The following FER1L5 variants were observed in gnomAD, a reference collection of about 807,000 sequenced individuals.
FER1L5 encodes the protein fer-1 like family member 5, also known as fer-1-like protein 5.
FER1L5 carries 187 observed loss-of-function variants against 279.9 expected under a neutral mutation model. The ratio of observed to expected loss-of-function variants is 0.67; its 90% confidence interval spans 0.59 to 0.75. The LOEUF is 0.75. FER1L5 is among the 30% of genes least tolerant of loss of function. The pLI, the probability that FER1L5 is intolerant of heterozygous loss-of-function variation, is 0.00. For missense variants in FER1L5, 2,091 were observed against 2,594.4 expected, an observed-to-expected ratio of 0.81 and a Z score of 4.21; for synonymous variants, 921 against 989.7, an observed-to-expected ratio of 0.93 and a Z score of 1.30.
At position 96,666,707 on chromosome 2, in the gene FER1L5, G is replaced by A. The variant is rs192916112; in HGVS notation, c.1141-2044G>A. Among the ~76,000 whole-genome samples, 6 of 151,760 alleles carry A rather than the reference G, an allele frequency of 4.0e-5. No homozygotes were observed. The East Asian group carries it at 1.2e-3, about 29-fold the overall frequency. On this transcript the variant is annotated intron_variant, in intron 14 of 52. Coordinates refer to ENST00000624922, the MANE Select transcript of FER1L5 (RefSeq NM_001293083.2). ...GCTCTGTTGCCCAGGCTAGACTGCAGTGACGCAATCTCAGCTCACTGCAAC... is the reference window on the plus strand; with the variant it reads ...GCTCTGTTGCCCAGGCTAGACTGCAATGACGCAATCTCAGCTCACTGCAAC...
chr2:96,689,377 G>T lies in FER1L5; in HGVS notation c.2525+1G>T, dbSNP rs555193102. 1.3e-6 allele frequency: 2 copies of T among 1,549,438 alleles called. No homozygotes were observed. The highest frequency in any genetic ancestry group is 1.2e-5 in the South Asian group (1 of 83,832). On this transcript the variant is annotated splice_donor_variant, in intron 25 of 52. Coordinates refer to ENST00000624922, the MANE Select transcript of FER1L5 (RefSeq NM_001293083.2). LOFTEE classifies it high-confidence loss of function. This position sits in a 1 kb window ranked among gnomAD's most constrained non-coding sequence, Gnocchi z 4.6. Reference sequence around the variant, plus strand: ...GCTGGACAGTGGAACCTCAGAGAAGGTAAGGCCAGAGGGGGCAGGCCCCAC... The same window carrying T: ...GCTGGACAGTGGAACCTCAGAGAAGTTAAGGCCAGAGGGGGCAGGCCCCAC...
intron 14 of FER1L5, among the ~76,000 whole-genome samples, chr2:96,664,386 C>A (rs1239002485): frequency 1.3e-5 from 2 of 152,148 alleles, no homozygotes; most frequent in African/African-American, 4.8e-5. Flanking sequence ...AATCTGCTTT[C>A]TGTTACTACG....
Position 96,693,937 on chromosome 2 carries a change from CG to C in FER1L5, c.3502del (p.Val1168CysfsTer18). ...GCAAGGAGAGCTTGTGGGGACGGAG[CG>C]TGTGGCCCCCAATGGTCTGGCTGGA... ...WGKESLWGRS[V>X]WPPMVWLDLQ... is the part of the protein sequence containing the mutation. On this transcript the variant is annotated frameshift_variant, in exon 33 of 53. Transcript: ENST00000624922. LOFTEE classifies it high-confidence loss of function. 6.4e-7 allele frequency: 1 copy of C among 1,550,916 alleles called. No homozygotes were observed. Among genetic ancestry groups the C allele is most frequent in the Non-Finnish European group, 8.7e-7 (1 of 1,146,698 alleles).
chr2:96,672,936 G>A, intron 18 of FER1L5, 141 bp from the exon 19 acceptor site: 1 of 1,044,508 alleles, frequency 9.6e-7, no homozygotes, highest in Non-Finnish European at 1.4e-6. Flanking sequence ...CAGGGTGCGA[G>A]GGAGCCTCTG....
Position 96,702,020 on chromosome 2 carries a change from C to T in FER1L5, c.5136C>T (p.Asn1712=). ...KKLGPPGPQV[N]INPRKPKRYE... is the part of the protein sequence containing the mutation. ...TGGGGCCTCCTGGCCCCCAAGTCAA[C>T]ATCAACCCCAGAAAGCCTAAACGGT... The change falls in exon 46 of 53, where the codon AAC becomes AAT. Residue 1712 remains asparagine (N), a synonymous_variant. Coordinates refer to ENST00000624922, the MANE Select transcript of FER1L5 (RefSeq NM_001293083.2). The surrounding 1 kb of genome is among the most constrained non-coding windows in gnomAD (Gnocchi z 4.0). 1.3e-5 allele frequency: 21 copies of T among 1,614,044 alleles called. No individual in the cohort carries two copies. Among genetic ancestry groups the T allele is most frequent in the Non-Finnish European group, 1.6e-5 (19 of 1,179,894 alleles).
At chr2:96,683,302 T>C (rs1321871028) in intron 19 of FER1L5, among the ~76,000 whole-genome samples, 2 of 152,090 alleles carry the variant, frequency 1.3e-5, no homozygotes, top group African/African-American at 4.8e-5. Flanking sequence ...ATCTGGCCAT[T>C]GGTTTCTGGC....
At chr2:96,665,343 G>GTAGC (rs2076091789) in intron 14 of FER1L5, among the ~76,000 whole-genome samples, 2 of 152,102 alleles carry the variant, frequency 1.3e-5, no homozygotes, top group African/African-American at 2.4e-5. Flanking sequence ...GCTGCTTCTA[G>GTAGC]TAGCTACCCA....
At position 96,694,149 on chromosome 2, in the gene FER1L5, C is replaced by T; in HGVS notation, c.3636+77C>T. The T allele has an allele frequency of 6.8e-7, 1 of 1,463,828 alleles. No individual in the cohort carries two copies. The highest frequency in any genetic ancestry group is 1.4e-5 in the South Asian group (1 of 72,600). The allele number at this position is 1,463,828 out of a possible 1,614,324, so 90.7% of individuals were successfully genotyped here. A position where few individuals can be genotyped will look rare whatever the true frequency, so the allele number is the denominator to read the frequency against. On this transcript the variant is annotated intron_variant, in intron 33 of 52. Transcript: ENST00000624922. The surrounding 1 kb of genome is among the most constrained non-coding windows in gnomAD (Gnocchi z 4.6). ...CGTCCCACCCCCAGCCAGCGGGGGC[C>T]AACTCCACCCTGTCAGGAAATGCCT...
At chr2:96,649,514 C>A (rs2075278433) in intron 4 of FER1L5, 109 bp from the exon 5 acceptor site, 2 of 989,742 alleles carry the variant, frequency 2.0e-6, no homozygotes, top group Non-Finnish European at 1.5e-6. Flanking sequence ...AGCATCACGG[C>A]CCCCACCAGG....
Position 96,652,342 on chromosome 2 carries a change from G to A in FER1L5, c.633+322G>A, listed in dbSNP as rs573602124. On this transcript the variant is annotated intron_variant, in intron 7 of 52. Coordinates refer to ENST00000624922, the MANE Select transcript of FER1L5 (RefSeq NM_001293083.2). ...AGACCCAGACCATGTATGTCTCATT[G>A]CTGCTGGAGCCCCAAATTGTAGCAC... 1.1e-4 allele frequency: 36 copies of A among 316,332 alleles called. 1 individual carries two copies. In the South Asian group the frequency reaches 1.6e-3, roughly 14 times the overall value. The allele number at this position is 316,332 out of a possible 1,614,324, so 19.6% of individuals were successfully genotyped here. A position where few individuals can be genotyped will look rare whatever the true frequency, so the allele number is the denominator to read the frequency against.
intron 9 of FER1L5, among the ~76,000 whole-genome samples, chr2:96,659,145 G>A (rs1350766545): frequency 2.6e-5 from 4 of 151,546 alleles, no homozygotes; most frequent in African/African-American, 7.2e-5. Context: ...GTGTTAGCCA[G>A]GATGGTCTCG....
At position 96,687,941 on chromosome 2, in the gene FER1L5, C is replaced by T; in HGVS notation, c.2355C>T (p.Ala785=). The change falls in exon 24 of 53, where the codon GCC becomes GCT. Residue 785 remains alanine, a synonymous_variant. Transcript: ENST00000624922. ...LLRQGDTAVY[A]EMYENQAKYK... ...GCCAGGGTGACACAGCGGTGTACGCCGAGATGGTGAGTGGTGAGCGGCAGC... is the reference window on the plus strand; with the variant it reads ...GCCAGGGTGACACAGCGGTGTACGCTGAGATGGTGAGTGGTGAGCGGCAGC... The T allele has an allele frequency of 3.9e-6, 6 of 1,550,912 alleles. No homozygotes were observed. The highest frequency in any genetic ancestry group is 2.4e-5 in the East Asian group (1 of 40,896).
chr2:96,660,254 A>G (rs1225742400), intron 9 of FER1L5, 87 bp from the exon 10 acceptor site: 1 of 1,406,834 alleles, frequency 7.1e-7, no homozygotes, highest in Non-Finnish European at 9.8e-7. Flanking sequence ...TGAAGCCCCA[A>G]CAGCTAGCAG....
intron 19 of FER1L5, among the ~76,000 whole-genome samples, chr2:96,682,156 G>A (rs942613263): frequency 2.6e-5 from 4 of 151,376 alleles, no homozygotes; most frequent in Admixed American, 1.3e-4. Context: ...GTGCAATCTC[G>A]GCTCACTGCA....
chr2:96,652,254 T>A, intron 7 of FER1L5: 1 of 557,536 alleles, frequency 1.8e-6, no homozygotes, highest in Non-Finnish European at 3.2e-6. Context: ...CGTAAACAAT[T>A]ACAACAGAGC....
chr2:96,694,521 G>A lies in FER1L5; in HGVS notation c.3741+57G>A. ...AGGACAGGCGGGGGTGGTCTGGAGT[G>A]CGCTGCAGCCTTCTGCTGGTCCTCC... On this transcript the variant is annotated intron_variant, in intron 34 of 52. Transcript: ENST00000624922. This position sits in a 1 kb window ranked among gnomAD's most constrained non-coding sequence, Gnocchi z 4.6. The A allele has an allele frequency of 2.2e-6, 3 of 1,362,660 alleles. No homozygotes were observed. Among genetic ancestry groups the A allele is most frequent in the Non-Finnish European group, 3.0e-6 (3 of 1,014,562 alleles). 84.4% of individuals were successfully genotyped at this position (1,362,660 alleles called of 1,614,324 possible). A position where few individuals can be genotyped will look rare whatever the true frequency, so the allele number is the denominator to read the frequency against.
At chr2:96,647,740 C>G in intron 3 of FER1L5, 38 bp from the exon 4 acceptor site, 1 of 1,459,598 alleles carries the variant, frequency 6.9e-7, no homozygotes, top group Non-Finnish European at 9.4e-7. Context: ...ACTCTTTCCC[C>G]TGGCTCAGGA....
chr2:96,661,127 G>A (rs562411262), intron 10 of FER1L5, among the ~76,000 whole-genome samples, 198 bp from the exon 11 acceptor site: 2 of 152,182 alleles, frequency 1.3e-5, no homozygotes, highest in Non-Finnish European at 2.9e-5. Flanking sequence ...GTTTCCTAGA[G>A]GCAACAGCTG....
At chr2:96,650,412 T>C (rs1378951805) in intron 6 of FER1L5, 123 bp downstream of exon 6, 1 of 781,898 alleles carries the variant, frequency 1.3e-6, no homozygotes, top group East Asian at 2.7e-5. Flanking sequence ...ACCCAGCTTC[T>C]GGCCCTCAGA....
Sources: gnomAD v4.1 joint callset for allele counts (sites outside exome capture counted in the v4.1 genomes callset) on GRCh38, gnomAD v4.1.1 for gene constraint, Gnocchi (gnomAD v3.1) non-coding constraint, MANE v1.5 for transcripts, NCBI Gene and HGNC (gene_info 2026-07-23, HGNC 2026-07-21) for gene names.